The following FRMD6 variants were observed in gnomAD, a reference collection of about 807,000 sequenced individuals.
The protein encoded by FRMD6 is FERM domain-containing protein 6.
A neutral mutation model predicts 73.2 loss-of-function variants in FRMD6; 37 were observed. That is an observed-to-expected ratio of 0.51 (90% CI 0.39 to 0.66). The LOEUF is 0.66. FRMD6 is among the 30% of genes least tolerant of loss of function. The pLI is 0.00. For missense variants in FRMD6, 714 were observed against 780.5 expected (o/e 0.91, Z 1.02); for synonymous variants, 273 against 282.2 (o/e 0.97, Z 0.33).
At chr14:51,585,702 C>T (rs1195000954) in intron 2 of FRMD6, among the ~76,000 whole-genome samples, 5 of 151,320 alleles carry the variant, frequency 3.3e-5, no homozygotes, top group Non-Finnish European at 7.4e-5. Flanking sequence ...ACCCCTTGCC[C>T]GATTCCCACC....
intron 1 of FRMD6, among the ~76,000 whole-genome samples, chr14:51,510,450 G>T (rs572661089): frequency 6.6e-6 from 1 of 151,854 alleles, no homozygotes; most frequent in Non-Finnish European, 1.5e-5. Flanking sequence ...CAGGAACTTG[G>T]TTCCCTATTT....
chr14:51,565,725 G>A (rs573753198), intron 1 of FRMD6, among the ~76,000 whole-genome samples: 1 of 144,536 alleles, frequency 6.9e-6, no homozygotes, highest in East Asian at 2.0e-4. Context: ...GGGCCTCAGG[G>A]AACAGCAGCA....
At chr14:51,498,913 A>T (rs187880268) in intron 1 of FRMD6, among the ~76,000 whole-genome samples, 1 of 152,226 alleles carries the variant, frequency 6.6e-6, no homozygotes, top group Non-Finnish European at 1.5e-5. Context: ...TTTTTAGCAC[A>T]GTCCTACTGC....
chr14:51,693,069 G>A (rs559469504), intron 2 of FRMD6, among the ~76,000 whole-genome samples: 171 of 152,202 alleles, frequency 1.1e-3, no homozygotes, highest in African/African-American at 3.9e-3. Context: ...TCCCTCTATA[G>A]AATAATCGAA....
intron 1 of FRMD6, among the ~76,000 whole-genome samples, chr14:51,496,529 G>A (rs1239081461): frequency 5.9e-5 from 9 of 152,144 alleles, no homozygotes; most frequent in Non-Finnish European, 2.9e-5. Context: ...TAGGCTTTAG[G>A]ACAGTGCAAT....
the FRMD6 span, among the ~76,000 whole-genome samples, chr14:51,465,139 G>A: frequency 6.6e-6 from 1 of 152,148 alleles, no homozygotes; most frequent in Non-Finnish European, 1.5e-5. Context: ...AAAGAAAAAT[G>A]TAATGAACAT....
the FRMD6 span, among the ~76,000 whole-genome samples, chr14:51,467,157 G>C: frequency 1.3e-5 from 2 of 152,136 alleles, no homozygotes; most frequent in African/African-American, 4.8e-5. Flanking sequence ...AGATTAGGGA[G>C]TGGCGATGAC....
In FRMD6 at chr14:51,720,248, G is replaced by A. The variant is rs2277495; in HGVS notation, c.1218G>A (p.Thr406=). The A allele has an allele frequency of 0.31, 496,128 of 1,613,786 alleles. 78,912 individuals carry two copies. The highest frequency in any genetic ancestry group is 0.33 in the Non-Finnish European group (385,022 of 1,179,938). Residue 406 remains threonine, a synonymous_variant, in exon 11 of 14, where the codon ACG becomes ACA. Coordinates refer to ENST00000344768, the MANE Select transcript of FRMD6 (RefSeq NM_001267046.2). The part of the protein sequence containing the change: ...GIEADTKPRD[T]GPEDSYSSSA... ...AGGCAGACACCAAGCCCCGGGACACGGGGCCAGAAGACAGCTACTCCAGCA... is the reference window on the plus strand; with the variant it reads ...AGGCAGACACCAAGCCCCGGGACACAGGGCCAGAAGACAGCTACTCCAGCA...
intron 1 of FRMD6, among the ~76,000 whole-genome samples, chr14:51,528,041 C>A (rs569559907): frequency 6.6e-6 from 1 of 152,250 alleles, no homozygotes; most frequent in East Asian, 1.9e-4. Flanking sequence ...ACTCCAGAGG[C>A]TGAGTCCAGA....
intron 2 of FRMD6, among the ~76,000 whole-genome samples, chr14:51,588,012 T>C (rs550148713): frequency 1.7e-4 from 26 of 152,344 alleles, no homozygotes; most frequent in African/African-American, 6.3e-4. Flanking sequence ...ATATTTTCTT[T>C]CGTTTTCATT....
the FRMD6 span, among the ~76,000 whole-genome samples, chr14:51,473,850 A>G: frequency 6.7e-6 from 1 of 149,212 alleles, no homozygotes; most frequent in East Asian, 2.0e-4. Context: ...AAATCCCAAG[A>G]TGTATTAAAA....
intron 1 of FRMD6, among the ~76,000 whole-genome samples, chr14:51,567,316 C>A (rs879670828): frequency 1.3e-5 from 2 of 152,182 alleles, no homozygotes; most frequent in Admixed American, 6.5e-5. Flanking sequence ...TATGAGACTT[C>A]TAGATGCTAC....
chr14:51,563,885 A>G (rs113472266), intron 1 of FRMD6, among the ~76,000 whole-genome samples: 52 of 152,362 alleles, frequency 3.4e-4, no homozygotes, highest in Middle Eastern at 6.8e-3. Flanking sequence ...ATTTAGAAAC[A>G]ATTTTATTTT....
chr14:51,531,295 T>C (rs1885568470), intron 1 of FRMD6, among the ~76,000 whole-genome samples: 1 of 152,216 alleles, frequency 6.6e-6, no homozygotes, highest in Admixed American at 6.5e-5. Context: ...GAAAGGCACA[T>C]TACTTCTGAA....
the FRMD6 span, chr14:51,436,932 A>G: frequency 2.0e-6 from 2 of 1,012,516 alleles, no homozygotes; most frequent in Non-Finnish European, 2.9e-6. Flanking sequence ...GATGAAGGGG[A>G]GGGAGAGGAG....
chr14:51,612,260 T>C (rs866462870), intron 2 of FRMD6, among the ~76,000 whole-genome samples: 57 of 152,230 alleles, frequency 3.7e-4, no homozygotes, highest in African/African-American at 1.2e-3. Context: ...CAACTCTAGA[T>C]GAGACTAGAG....
rs1898136117 is a variant in FRMD6, at chr14:51,729,173, A to T, written c.*1144A>T. The T allele has an allele frequency of 6.6e-6, 1 of 152,244 alleles. No homozygotes were observed. The highest frequency in any genetic ancestry group is 1.5e-5 in the Non-Finnish European group (1 of 68,044). 9.4% of individuals were successfully genotyped at this position (152,244 alleles called of 1,614,324 possible). A position where few individuals can be genotyped will look rare whatever the true frequency, so the allele number is the denominator to read the frequency against. Reference sequence around the variant, plus strand: ...GAATTTTGGGGGGAGCTTTTAAAAAATAATGACTGAGTCTCCCACCAGACC... The same window carrying T: ...GAATTTTGGGGGGAGCTTTTAAAAATTAATGACTGAGTCTCCCACCAGACC... On this transcript the variant is annotated 3_prime_UTR_variant, in exon 14 of 14. Transcript: ENST00000344768.
chr14:51,595,163 G>A (rs182175073), intron 2 of FRMD6, among the ~76,000 whole-genome samples: 17 of 152,300 alleles, frequency 1.1e-4, no homozygotes, highest in African/African-American at 4.1e-4. Context: ...AGATGCTTAA[G>A]CAATGTGATT....
chr14:51,426,662 C>G, the FRMD6 span, among the ~76,000 whole-genome samples: 1 of 152,126 alleles, frequency 6.6e-6, no homozygotes, highest in African/African-American at 2.4e-5. Flanking sequence ...ATAAGAGATG[C>G]CAGGTACCGT....
Sources: gnomAD v4.1 joint callset for allele counts (sites outside exome capture counted in the v4.1 genomes callset) on GRCh38, gnomAD v4.1.1 for gene constraint, MANE v1.5 for transcripts, NCBI Gene and HGNC (gene_info 2026-07-23, HGNC 2026-07-21) for gene names.